SETD3: variants seen among roughly 807,000 people sequenced by gnomAD.
SETD3 encodes the protein SET domain containing 3, actin N3(tau)-histidine methyltransferase, also known as actin-histidine N-methyltransferase.
Under a neutral mutation model 63.0 loss-of-function variants are expected in SETD3, and 19 were observed. The ratio of observed to expected loss-of-function variants is 0.30; its 90% CI spans 0.21 to 0.44. SETD3 has a LOEUF of 0.44. Ranked by LOEUF, SETD3 falls within the 20% of genes least tolerant of loss-of-function variation. The pLI is 1.00. For missense variants in SETD3, 587 were observed against 728.5 expected, an observed-to-expected ratio of 0.81 and a Z score of 2.24; for synonymous variants, 286 against 264.1, an observed-to-expected ratio of 1.08 and a Z score of -0.80.
intron 6 of SETD3, among the ~76,000 whole-genome samples, chr14:99,446,373 G>A (rs1384398499): frequency 1.3e-5 from 2 of 152,154 alleles, no homozygotes; most frequent in South Asian, 2.1e-4. Flanking sequence ...GTTTAATTCT[G>A]TCTCAGATTA....
At chr14:99,450,349 T>C (rs1181561683) in intron 6 of SETD3, among the ~76,000 whole-genome samples, 4 of 152,242 alleles carry the variant, frequency 2.6e-5, no homozygotes, top group Admixed American at 2.6e-4. Flanking sequence ...ATTCACATCT[T>C]GTGCTATTCT....
At chr14:99,403,464 CTCTCTCTCTCTCTCTCTCTCTCTCTT>C (rs1213848891) in intron 11 of SETD3, among the ~76,000 whole-genome samples, 1 of 54,640 alleles carries the variant, frequency 1.8e-5, no homozygotes, top group Non-Finnish European at 3.6e-5. Context: ...CACTCTCTCT[CTCTCTCTCTCTCTCTCTCTCTCTCTT>C]TCTCTCTCTT....
At chr14:99,441,705 A>T (rs1786635584) in intron 6 of SETD3, among the ~76,000 whole-genome samples, 1 of 152,156 alleles carries the variant, frequency 6.6e-6, no homozygotes, top group Non-Finnish European at 1.5e-5. Flanking sequence ...CACCAGAGGG[A>T]GTGGACTGCA....
intron 6 of SETD3, among the ~76,000 whole-genome samples, chr14:99,432,228 T>G (rs768465357): frequency 6.6e-6 from 1 of 152,214 alleles, no homozygotes; most frequent in Non-Finnish European, 1.5e-5. Flanking sequence ...ATCACGGCAC[T>G]GAGTGCAAAG....
intron 6 of SETD3, among the ~76,000 whole-genome samples, chr14:99,434,084 T>C (rs2139698186): frequency 6.6e-6 from 1 of 152,322 alleles, no homozygotes; most frequent in South Asian, 2.1e-4. Context: ...AATGTATATG[T>C]CCACAAGAAG....
chr14:99,461,069 T>C, intron 4 of SETD3, 123 bp downstream of exon 4: 1 of 1,199,218 alleles, frequency 8.3e-7, no homozygotes, highest in Non-Finnish European at 1.2e-6. Context: ...AGGCTGCCTA[T>C]CTGCCCACAG....
At chr14:99,451,173 T>A (rs1894438197) in intron 6 of SETD3, among the ~76,000 whole-genome samples, 1 of 152,232 alleles carries the variant, frequency 6.6e-6, no homozygotes, top group Non-Finnish European at 1.5e-5. Context: ...CACTTATTTC[T>A]ATCACAAAAC....
intron 1 of SETD3, among the ~76,000 whole-genome samples, chr14:99,475,465 T>C (rs560898728): frequency 1.3e-5 from 2 of 152,272 alleles, no homozygotes; most frequent in Admixed American, 6.5e-5. Flanking sequence ...CCAGCAGAGC[T>C]GCACGTTCAC....
chr14:99,473,870 G>A (rs773053053), intron 1 of SETD3, among the ~76,000 whole-genome samples: 18 of 152,164 alleles, frequency 1.2e-4, no homozygotes, highest in Non-Finnish European at 1.9e-4. Context: ...TACAGATACC[G>A]ATAAAGTGCC....
At chr14:99,429,566 A>G (rs2139686032) in intron 6 of SETD3, among the ~76,000 whole-genome samples, 1 of 152,304 alleles carries the variant, frequency 6.6e-6, no homozygotes, top group Middle Eastern at 3.4e-3. Context: ...TGGTTATACC[A>G]TTTCTTGTCT....
chr14:99,441,003 T>C (rs1033726553), intron 6 of SETD3, among the ~76,000 whole-genome samples: 1 of 152,214 alleles, frequency 6.6e-6, no homozygotes, highest in African/African-American at 2.4e-5. Context: ...ATGAGGCCTG[T>C]GAGCAGAGTG....
rs151236800 is a variant in SETD3, at chr14:99,465,768, C to A, written c.38G>T (p.Gly13Val). ...KKSRVKTQKS[G>V]TGATATVSPK... ...TGACACAGTTGCTGTAGCACCAGTGCCAGATTTCTGAGTTTTTACTCGACT... is the reference window on the plus strand; with the variant it reads ...TGACACAGTTGCTGTAGCACCAGTGACAGATTTCTGAGTTTTTACTCGACT... Residue 13 changes from glycine (G) to valine (V), a missense_variant, in exon 2 of 13, where the codon GGC becomes GTC. Gly to Val is a moderately radical substitution (Grantham distance 109, BLOSUM62 -3). Transcript: ENST00000331768. 3 of 1,614,026 alleles carry A rather than the reference C, an allele frequency of 1.9e-6. No homozygotes were observed. In the African/African-American group the frequency reaches 4.0e-5, roughly 22 times the overall value.
intron 1 of SETD3, among the ~76,000 whole-genome samples, chr14:99,477,683 G>C (rs1896042218): frequency 6.6e-6 from 1 of 150,574 alleles, no homozygotes; most frequent in Non-Finnish European, 1.5e-5. Context: ...AGGAAGCAGA[G>C]GTTGCGGTGA....
At chr14:99,475,601 C>T (rs1274721503) in intron 1 of SETD3, among the ~76,000 whole-genome samples, 1 of 152,186 alleles carries the variant, frequency 6.6e-6, no homozygotes, top group Non-Finnish European at 1.5e-5. Context: ...TTAATGTGCC[C>T]CTCATTACTA....
intron 2 of SETD3, 72 bp downstream of exon 2, chr14:99,465,631 C>A: frequency 1.6e-6 from 2 of 1,241,814 alleles, no homozygotes; most frequent in Non-Finnish European, 2.4e-6. Context: ...GCACGCGTCC[C>A]CATTCTGGTG....
intron 1 of SETD3, among the ~76,000 whole-genome samples, chr14:99,472,501 T>C (rs1895757114): frequency 6.6e-6 from 1 of 152,204 alleles, no homozygotes; most frequent in African/African-American, 2.4e-5. Context: ...TGGGGCTAAA[T>C]TACAAGTTTA....
intron 6 of SETD3, among the ~76,000 whole-genome samples, chr14:99,454,907 T>C (rs1894671542): frequency 6.6e-6 from 1 of 152,154 alleles, no homozygotes; most frequent in Non-Finnish European, 1.5e-5. Context: ...CAACCACAGG[T>C]GCTATGGCAC....
chr14:99,446,685 A>C (rs1267056516), intron 6 of SETD3, among the ~76,000 whole-genome samples: 1 of 152,200 alleles, frequency 6.6e-6, no homozygotes, highest in African/African-American at 2.4e-5. Context: ...CACTTTTCCT[A>C]AAAGGGCCAA....
intron 1 of SETD3, among the ~76,000 whole-genome samples, chr14:99,475,414 G>A (rs755651045): frequency 4.1e-4 from 62 of 152,280 alleles, no homozygotes; most frequent in Non-Finnish European, 6.3e-4. Flanking sequence ...CAGATTGCCA[G>A]TAAGAGAAAA....
Sources: allele counts gnomAD v4.1 joint callset (sites outside exome capture counted in the v4.1 genomes callset), GRCh38; gene constraint gnomAD v4.1.1; transcripts MANE v1.5; gene names NCBI Gene and HGNC (gene_info 2026-07-23, HGNC 2026-07-21).